Variants in SYN3 observed in about 807,000 individuals in gnomAD.
The protein encoded by SYN3 is synapsin III.
In SYN3, 35 loss-of-function variants were observed where a neutral mutation model predicts 65.8. The ratio of observed to expected loss-of-function variants is 0.53; its 90% CI spans 0.41 to 0.70. The LOEUF (loss-of-function observed/expected upper bound fraction) is 0.70, where lower values mean the gene tolerates loss of function less well. Among genes scored for constraint, SYN3 ranks in the 30% least tolerant of loss-of-function variants. SYN3 has a pLI of 0.00. For synonymous variants in SYN3, 270 were observed against 292.9 expected, an observed-to-expected ratio of 0.92 and a Z score of 0.80; for missense variants, 680 against 749.0, an observed-to-expected ratio of 0.91 and a Z score of 1.08.
intron 4 of SYN3, among the ~76,000 whole-genome samples, chr22:32,907,678 C>T (rs2049939041): frequency 6.6e-6 from 1 of 152,116 alleles, no homozygotes; most frequent in Admixed American, 6.5e-5. Flanking sequence ...TCACCTGTTT[C>T]TGTAAATAGT....
chr22:32,729,269 G>A (rs1460353217), intron 6 of SYN3, among the ~76,000 whole-genome samples: 1 of 152,190 alleles, frequency 6.6e-6, no homozygotes, highest in Non-Finnish European at 1.5e-5. Context: ...AATATTAAAC[G>A]AATGAGTGAG....
In SYN3 at chr22:32,838,568, C is replaced by T. The variant is rs2047802577; in HGVS notation, c.711+26347G>A. Among the ~76,000 whole-genome samples the T allele has an allele frequency of 2.0e-5, 3 of 152,156 alleles. No homozygotes were observed. The South Asian group carries it at 6.2e-4, about 32-fold the overall frequency. Reference sequence around the variant, plus strand: ...CCTTCCACAGACACATCAACAAGTTCATGGGGGTCTCCTGTAATAGGGTCC... The same window carrying T: ...CCTTCCACAGACACATCAACAAGTTTATGGGGGTCTCCTGTAATAGGGTCC... On this transcript the variant is annotated intron_variant, in intron 6 of 13. Transcript: ENST00000358763.
chr22:32,681,045 T>C (rs2060515424), intron 6 of SYN3, among the ~76,000 whole-genome samples: 1 of 151,930 alleles, frequency 6.6e-6, no homozygotes, highest in Admixed American at 6.6e-5. Flanking sequence ...TCACTTGCCA[T>C]GATAAGGGAG....
rs73162074 is a variant in SYN3, at chr22:33,018,241, C to A, written c.-162-11417G>T. Among the ~76,000 whole-genome samples, 894 of 152,280 alleles carry A rather than the reference C, an allele frequency of 5.9e-3. 7 individuals are homozygous for A. The highest frequency in any genetic ancestry group is 0.028 in the South Asian group (137 of 4,818). On this transcript the variant is annotated intron_variant, in intron 1 of 13. Transcript: ENST00000358763. ...AGCTGGATTATGTAATTTTCAAGGT[C>A]TTTTCCTCTTGAATCATTAGGACAG...
At position 32,766,169 on chromosome 22, in the gene SYN3, T is replaced by C. The variant is rs911243999; in HGVS notation, c.711+98746A>G. Among the ~76,000 whole-genome samples, 5 of 152,318 alleles carry C rather than the reference T, an allele frequency of 3.3e-5. No individual in the cohort carries two copies. In the East Asian group the frequency reaches 7.7e-4, roughly 24 times the overall value. ...GAAAGACTGGGGCGTGGGTGAGATATAGAGCCTTTGGAAAAGGCACTTAGG... is the reference window on the plus strand; with the variant it reads ...GAAAGACTGGGGCGTGGGTGAGATACAGAGCCTTTGGAAAAGGCACTTAGG... On this transcript the variant is annotated intron_variant, in intron 6 of 13. Transcript: ENST00000358763.
intron 6 of SYN3, among the ~76,000 whole-genome samples, chr22:32,710,099 A>ACACATGTGTG (rs1555931598): frequency 1.5e-5 from 1 of 65,630 alleles, no homozygotes; most frequent in Non-Finnish European, 2.4e-5. Flanking sequence ...ACACACACAC[A>ACACATGTGTG]TGTGTGTGTG....
At chr22:32,725,453 C>T (rs1034591305) in intron 6 of SYN3, among the ~76,000 whole-genome samples, 4 of 152,212 alleles carry the variant, frequency 2.6e-5, no homozygotes, top group Admixed American at 1.3e-4. Flanking sequence ...ATTCCCAGAG[C>T]CAGTAAACAG....
At chr22:33,046,208 G>A (rs1199523791) in intron 1 of SYN3, among the ~76,000 whole-genome samples, 1 of 152,146 alleles carries the variant, frequency 6.6e-6, no homozygotes, top group Admixed American at 6.5e-5. Context: ...TTCCAATGCA[G>A]AGCAACTGGA....
intron 7 of SYN3, among the ~76,000 whole-genome samples, chr22:32,543,034 C>A (rs78672014): frequency 2.0e-5 from 3 of 151,970 alleles, no homozygotes; most frequent in Admixed American, 2.0e-4. Context: ...ACTAGGCGGT[C>A]CACGTGGGGT....
chr22:32,936,514 C>A (rs2050780547), intron 3 of SYN3, among the ~76,000 whole-genome samples: 1 of 151,990 alleles, frequency 6.6e-6, no homozygotes, highest in Non-Finnish European at 1.5e-5. Context: ...AACAAACAAA[C>A]AAAAAACCTC....
intron 7 of SYN3, among the ~76,000 whole-genome samples, chr22:32,585,059 G>C (rs999240711): frequency 4.2e-4 from 64 of 152,284 alleles, no homozygotes; most frequent in African/African-American, 1.4e-3. Flanking sequence ...ACTTACCTGT[G>C]ACCTTGGGCA....
chr22:32,536,444 C>T (rs1446307567), intron 9 of SYN3, among the ~76,000 whole-genome samples: 2 of 152,122 alleles, frequency 1.3e-5, no homozygotes, highest in African/African-American at 4.8e-5. Context: ...CTACTGCTTT[C>T]GTTTTGCAGT....
intron 1 of SYN3, among the ~76,000 whole-genome samples, chr22:33,019,357 T>C (rs2053523852): frequency 6.6e-6 from 1 of 152,218 alleles, no homozygotes; most frequent in African/African-American, 2.4e-5. Flanking sequence ...AGAGAGGCCA[T>C]GAAACCTGTA....
At chr22:32,783,338 G>C (rs1330818950) in intron 6 of SYN3, 1 of 152,166 alleles carries the variant, frequency 6.6e-6, no homozygotes, top group Non-Finnish European at 1.5e-5. Flanking sequence ...ATCTAACCTG[G>C]ACAGCATCTT....
intron 4 of SYN3, among the ~76,000 whole-genome samples, chr22:32,914,862 T>G (rs1048736040): frequency 6.6e-6 from 1 of 152,046 alleles, no homozygotes; most frequent in African/African-American, 2.4e-5. Context: ...GCTATAGAGA[T>G]TTCTAAAAGA....
intron 12 of SYN3, among the ~76,000 whole-genome samples, chr22:32,523,405 C>T (rs1004523082): frequency 2.0e-5 from 3 of 152,074 alleles, no homozygotes; most frequent in African/African-American, 4.8e-5. Flanking sequence ...CCCAGCTACC[C>T]GGGAGGCTGA....
chr22:32,726,971 G>GT (rs35000501), intron 6 of SYN3, among the ~76,000 whole-genome samples: 382 of 146,404 alleles, frequency 2.6e-3, no homozygotes, highest in Middle Eastern at 7.2e-3. Flanking sequence ...CTGGAATGAA[G>GT]TTTTTTTTTT....
intron 3 of SYN3, among the ~76,000 whole-genome samples, chr22:32,933,146 C>T (rs550416056): frequency 1.3e-5 from 2 of 152,264 alleles, no homozygotes; most frequent in South Asian, 4.1e-4. Context: ...ATAATGCTAT[C>T]GGCTAAAATG....
intron 4 of SYN3, among the ~76,000 whole-genome samples, chr22:32,916,167 G>A (rs146803481): frequency 2.7e-4 from 41 of 152,326 alleles, no homozygotes; most frequent in Non-Finnish European, 4.7e-4. Flanking sequence ...GACTGAATGT[G>A]AAGTTTACTT....
Sources: allele counts gnomAD v4.1 joint callset (sites outside exome capture counted in the v4.1 genomes callset), GRCh38; gene constraint gnomAD v4.1.1; transcripts MANE v1.5; gene names NCBI Gene and HGNC (gene_info 2026-07-23, HGNC 2026-07-21).